Variants in PRKCA observed in about 807,000 individuals in gnomAD.
PRKCA encodes the protein protein kinase C alpha, also known as protein kinase C alpha type.
PRKCA carries 27 observed loss-of-function variants against 87.0 expected under a neutral mutation model. The observed-to-expected ratio is 0.31, with a 90% CI of 0.23 to 0.43. PRKCA has a LOEUF of 0.43. PRKCA is among the 20% of genes least tolerant of loss of function. PRKCA has a pLI of 1.00. For missense variants in PRKCA, 518 were observed against 852.3 expected, an observed-to-expected ratio of 0.61 and a Z score of 4.88; for synonymous variants, 329 against 311.1, an observed-to-expected ratio of 1.06 and a Z score of -0.61.
At chr17:66,618,076 C>T (rs373387123) in intron 3 of PRKCA, among the ~76,000 whole-genome samples, 4 of 152,060 alleles carry the variant, frequency 2.6e-5, no homozygotes, top group Non-Finnish European at 4.4e-5. Flanking sequence ...TCATTCAGGC[C>T]GAATGCAGTG....
intron 13 of PRKCA, among the ~76,000 whole-genome samples, chr17:66,755,456 A>C (rs542283334): frequency 1.3e-4 from 20 of 152,326 alleles, no homozygotes; most frequent in African/African-American, 4.6e-4. Flanking sequence ...CCTGGCCCAA[A>C]GCCCAGGAGA....
intron 2 of PRKCA, among the ~76,000 whole-genome samples, chr17:66,381,428 G>T (rs1387582415): frequency 2.0e-5 from 3 of 152,170 alleles, no homozygotes; most frequent in Non-Finnish European, 4.4e-5. Flanking sequence ...CCTGGTGGAA[G>T]GTTCAGGATG....
intron 5 of PRKCA, among the ~76,000 whole-genome samples, chr17:66,655,488 C>A (rs1971711165): frequency 6.6e-6 from 1 of 152,166 alleles, no homozygotes; most frequent in African/African-American, 2.4e-5. Flanking sequence ...GCTGCAGTTA[C>A]CTTTAGGAAG....
At chr17:66,722,811 T>C (rs2144166055) in intron 8 of PRKCA, among the ~76,000 whole-genome samples, 1 of 152,346 alleles carries the variant, frequency 6.6e-6, no homozygotes, top group Admixed American at 6.5e-5. Flanking sequence ...GCCAATAAAC[T>C]GTGAGGTACT....
chr17:66,529,609 A>C (rs1174788307), intron 3 of PRKCA, among the ~76,000 whole-genome samples: 4 of 152,174 alleles, frequency 2.6e-5, no homozygotes, highest in Non-Finnish European at 5.9e-5. Flanking sequence ...CAGTCTTTGC[A>C]GTTTTCTCCA....
At chr17:66,573,915 A>G (rs1969151906) in intron 3 of PRKCA, among the ~76,000 whole-genome samples, 1 of 152,222 alleles carries the variant, frequency 6.6e-6, no homozygotes, top group African/African-American at 2.4e-5. Context: ...ACTTGAGGCC[A>G]AAGAGTTTGA....
chr17:66,670,873 TA>T (rs1413256477), intron 5 of PRKCA, among the ~76,000 whole-genome samples: 1 of 151,390 alleles, frequency 6.6e-6, no homozygotes, highest in Non-Finnish European at 1.5e-5. Flanking sequence ...AAAATAAATT[TA>T]AAAAAATTAT....
chr17:66,738,735 C>G (rs961801016), intron 10 of PRKCA, 29 bp from the exon 11 acceptor site: 2 of 1,594,124 alleles, frequency 1.3e-6, no homozygotes, highest in African/African-American at 2.7e-5. Context: ...GGGAGGAGCC[C>G]TGCTCATGTG....
chr17:66,707,973 G>A (rs912206437), intron 8 of PRKCA, among the ~76,000 whole-genome samples: 1 of 152,192 alleles, frequency 6.6e-6, no homozygotes, highest in African/African-American at 2.4e-5. Context: ...AACCACAGAG[G>A]CCTCAGAGAA....
chr17:66,420,002 CTTTTTTTTTTT>C (rs558522698), intron 2 of PRKCA, among the ~76,000 whole-genome samples: 1 of 113,716 alleles, frequency 8.8e-6, no homozygotes, highest in Admixed American at 8.9e-5. Context: ...GGGTTGTGTT[CTTTTTTTTTTT>C]TTTTTTTTTT....
chr17:66,498,162 C>A (rs370743630), intron 3 of PRKCA, among the ~76,000 whole-genome samples: 33 of 152,008 alleles, frequency 2.2e-4, no homozygotes, highest in African/African-American at 7.5e-4. Context: ...CTGCCCCGGC[C>A]ACTTTCCATA....
chr17:66,592,164 G>A (rs1396344907), intron 3 of PRKCA, among the ~76,000 whole-genome samples: 2 of 152,026 alleles, frequency 1.3e-5, no homozygotes, highest in Non-Finnish European at 2.9e-5. Flanking sequence ...AGACCAGCCT[G>A]GTTAACATGG....
intron 2 of PRKCA, among the ~76,000 whole-genome samples, chr17:66,327,543 A>G (rs1277063341): frequency 6.6e-6 from 1 of 152,062 alleles, no homozygotes; most frequent in Non-Finnish European, 1.5e-5. Flanking sequence ...CAAAAATAAA[A>G]TAAAATTTCT....
chr17:66,368,531 C>T (rs964405669), intron 2 of PRKCA, among the ~76,000 whole-genome samples: 1 of 150,282 alleles, frequency 6.7e-6, no homozygotes, highest in Admixed American at 6.7e-5. Context: ...GCTGGGACTA[C>T]AGGCATACAC....
chr17:66,804,029 G>A lies in PRKCA; in HGVS notation c.2011G>A (p.Ala671Thr). The change falls in exon 17 of 17, where the codon GCA becomes ACA. Residue 671 changes from alanine to threonine, a missense_variant. Around this residue, in one of 5 missense-constraint regions of PRKCA, gnomAD observed 159 missense variants for 232.4 expected, o/e 0.68. Transcript: ENST00000413366. ...PQFVHPILQSAV is the reference protein window; with the variant it reads ...PQFVHPILQSTV ...GTTTGTGCACCCCATCTTACAGAGTGCAGTATGAAACTCACCAGCGAGAAC... is the reference window on the plus strand; with the variant it reads ...GTTTGTGCACCCCATCTTACAGAGTACAGTATGAAACTCACCAGCGAGAAC... 6.2e-7 allele frequency: 1 copy of A among 1,609,924 alleles called. No homozygotes were observed. Among genetic ancestry groups the A allele is most frequent in the Non-Finnish European group, 8.5e-7 (1 of 1,176,746 alleles).
chr17:66,552,323 T>C (rs1968360949), intron 3 of PRKCA, among the ~76,000 whole-genome samples: 1 of 152,110 alleles, frequency 6.6e-6, no homozygotes, highest in African/African-American at 2.4e-5. Flanking sequence ...GATGTATTTG[T>C]TATGTATTGC....
chr17:66,339,926 C>T (rs1906938822), intron 2 of PRKCA: 3 of 152,176 alleles, frequency 2.0e-5, no homozygotes, highest in Admixed American at 2.0e-4. Context: ...ATGGAAGCTT[C>T]ATCAGATTTT....
At chr17:66,612,649 G>A (rs1343667932) in intron 3 of PRKCA, among the ~76,000 whole-genome samples, 6 of 151,626 alleles carry the variant, frequency 4.0e-5, no homozygotes, top group Non-Finnish European at 8.8e-5. Context: ...AGAACGTTCT[G>A]ATATTTGTGA....
intron 2 of PRKCA, among the ~76,000 whole-genome samples, chr17:66,485,008 G>T (rs1476698008): frequency 6.6e-6 from 1 of 152,028 alleles, no homozygotes; most frequent in African/African-American, 2.4e-5. Flanking sequence ...TGGGGAGGGT[G>T]GGGTTGGGAA....
Sources: gnomAD v4.1 joint callset for allele counts (sites outside exome capture counted in the v4.1 genomes callset) on GRCh38, gnomAD v4.1.1 for gene constraint, gnomAD v4.1.1 regional missense constraint, MANE v1.5 for transcripts, NCBI Gene and HGNC (gene_info 2026-07-23, HGNC 2026-07-21) for gene names.